RBM42: variants seen among roughly 807,000 people sequenced by gnomAD.
RBM42 encodes RNA binding motif protein 42.
In RBM42, 21 loss-of-function variants were observed where a neutral mutation model predicts 41.4. The observed-to-expected ratio is 0.51, with a 90% CI of 0.36 to 0.73. The LOEUF is 0.73. Among genes scored for constraint, RBM42 ranks in the 30% least tolerant of loss-of-function variants. The pLI is 0.00. For synonymous variants in RBM42, 272 were observed against 271.2 expected, an observed-to-expected ratio of 1.00 and a Z score of -0.03; for missense variants, 539 against 680.4, an observed-to-expected ratio of 0.79 and a Z score of 2.31.
rs1967463147 is a variant in RBM42, at chr19:35,634,543, T to TG, written c.1135+173dup. 2.0e-5 allele frequency among the ~76,000 whole-genome samples: 3 copies of TG among 152,040 alleles called. No homozygotes were observed. The South Asian group carries it at 6.2e-4, about 31-fold the overall frequency. On this transcript the variant is annotated intron_variant, in intron 8 of 9. Transcript: ENST00000262633. ...CAGGGGCTGGTTCTTCACCTAGCCA[T>TG]GGGCCGGAGCTTGGTGGAGGTGACG...
chr19:35,633,124 CGGCCCCCTCACCAGGCCCTCGTG>C lies in RBM42; in HGVS notation c.564_586del (p.His189SerfsTer67). The C allele has an allele frequency of 1.9e-6, 3 of 1,599,402 alleles. No homozygotes were observed. Among genetic ancestry groups the C allele is most frequent in the Non-Finnish European group, 2.6e-6 (3 of 1,166,758 alleles). On this transcript the variant is annotated frameshift_variant, in exon 6 of 10. Transcript: ENST00000262633. LOFTEE classifies it high-confidence loss of function. ...AGCCGGCCCCCGCCCTATGGCCCTA[CGGCCCCCTCACCAGGCCCTCGTG>C]GGCCCCCCTCTGCCTGGGCCCCCTG... is the stretch of plus-strand genomic sequence containing the variant.
chr19:35,629,081 G>T lies in RBM42; in HGVS notation c.-73G>T. On this transcript the variant is annotated 5_prime_UTR_variant, in exon 1 of 10. Transcript: ENST00000262633. ...TCGGGAGCCCACCCGGACGAAGGGGGAGAGTAGACAGCAGAACCAGCGGCG... is the reference window on the plus strand; with the variant it reads ...TCGGGAGCCCACCCGGACGAAGGGGTAGAGTAGACAGCAGAACCAGCGGCG... 6.8e-7 allele frequency: 1 copy of T among 1,462,326 alleles called. No individual in the cohort carries two copies. 90.6% of individuals were successfully genotyped at this position (1,462,326 alleles called of 1,614,324 possible).
chr19:35,632,726 C>T (rs897067863), intron 4 of RBM42, among the ~76,000 whole-genome samples: 1 of 152,122 alleles, frequency 6.6e-6, no homozygotes, highest in Non-Finnish European at 1.5e-5. Flanking sequence ...CATTGCCTGC[C>T]ACAGGGCTGA....
At chr19:35,636,153 G>T (rs988987578) in intron 8 of RBM42, among the ~76,000 whole-genome samples, 15 of 138,210 alleles carry the variant, frequency 1.1e-4, no homozygotes, top group African/African-American at 2.1e-4. Context: ...TTCTTCTTTT[G>T]TTTTTTTTTT....
chr19:35,632,937 T>G lies in RBM42; in HGVS notation c.444T>G (p.Ala148=). Residue 148 remains alanine (A), a splice_region_variant and synonymous_variant, in exon 5 of 10, where the codon GCT becomes GCG. Transcript: ENST00000262633. ...AREAMFLRRA[A]VAPQRAPILR... ...CACCCCCATCTCTCTCTCCCACAGC[T>G]GTGGCCCCCCAGAGGGCCCCTATCC... The G allele has an allele frequency of 6.6e-7, 1 of 1,514,944 alleles. No homozygotes were observed. Among genetic ancestry groups the G allele is most frequent in the Non-Finnish European group, 9.2e-7 (1 of 1,091,572 alleles). The allele number at this position is 1,514,944 out of a possible 1,614,324, so 93.8% of individuals were successfully genotyped here.
Position 35,637,582 on chromosome 19 carries a change from C to G in RBM42, c.*28C>G, listed in dbSNP as rs762339720. 4.4e-6 allele frequency: 7 copies of G among 1,582,152 alleles called. No individual in the cohort carries two copies. Among genetic ancestry groups the G allele is most frequent in the Non-Finnish European group, 1.7e-6 (2 of 1,154,052 alleles). ...TCTGTGGCCAGGCACCCGCTCCCAC[C>G]TGGCCGGGCGCTGGCTCCTCCCTCA... On this transcript the variant is annotated 3_prime_UTR_variant, in exon 10 of 10. Coordinates refer to ENST00000262633, the MANE Select transcript of RBM42 (RefSeq NM_024321.5). This position sits in a 1 kb window ranked among gnomAD's most constrained non-coding sequence, Gnocchi z 7.0.
intron 4 of RBM42, 21 bp downstream of exon 4, chr19:35,631,426 C>T: frequency 3.1e-6 from 5 of 1,610,858 alleles, no homozygotes; most frequent in Non-Finnish European, 4.2e-6. Flanking sequence ...GGCCAGGGAC[C>T]CCCACATTTA....
At chr19:35,635,470 C>T (rs992498044) in intron 8 of RBM42, among the ~76,000 whole-genome samples, 1 of 151,670 alleles carries the variant, frequency 6.6e-6, no homozygotes, top group South Asian at 2.1e-4. Flanking sequence ...TGTTTTTGCC[C>T]TGAACCAGCA....
chr19:35,635,187 G>C (rs1194642424), intron 8 of RBM42, among the ~76,000 whole-genome samples: 1 of 151,262 alleles, frequency 6.6e-6, no homozygotes, highest in African/African-American at 2.4e-5. Context: ...TTGGTGGGAG[G>C]CACCTATAAT....
intron 4 of RBM42, among the ~76,000 whole-genome samples, chr19:35,632,165 A>G (rs1967418473): frequency 6.6e-6 from 1 of 152,288 alleles, no homozygotes; most frequent in East Asian, 1.9e-4. Flanking sequence ...TATTAATCTG[A>G]TGATCTCTGA....
Position 35,633,249 on chromosome 19 carries a change from T to A in RBM42, c.681T>A (p.Pro227=). The change falls in exon 6 of 10, where the codon CCT becomes CCA. Residue 227 remains proline, a synonymous_variant. Transcript: ENST00000262633. ...GCTCCATGGCTGCACTGAGGCCCCCTCTGGTGAGTGTGAACAGGGAACTAA... is the reference window on the plus strand; with the variant it reads ...GCTCCATGGCTGCACTGAGGCCCCCACTGGTGAGTGTGAACAGGGAACTAA... ...PLGSMAALRP[P]LEEPAAPREL... The A allele has an allele frequency of 6.3e-7, 1 of 1,576,346 alleles. No homozygotes were observed. The highest frequency in any genetic ancestry group is 1.2e-5 in the South Asian group (1 of 85,160).
chr19:35,632,294 A>G (rs903603507), intron 4 of RBM42, among the ~76,000 whole-genome samples: 22 of 152,096 alleles, frequency 1.4e-4, no homozygotes, highest in Non-Finnish European at 7.4e-5. Context: ...GAGGACACCC[A>G]TGGCTCAGCC....
Position 35,637,094 on chromosome 19 carries a change from C to G in RBM42, c.1136-64C>G. 6.8e-7 allele frequency: 1 copy of G among 1,469,150 alleles called. No homozygotes were observed. Among genetic ancestry groups the G allele is most frequent in the Non-Finnish European group, 9.3e-7 (1 of 1,080,056 alleles). 91.0% of individuals were successfully genotyped at this position (1,469,150 alleles called of 1,614,324 possible). On this transcript the variant is annotated intron_variant, in intron 8 of 9. Transcript: ENST00000262633. The surrounding 1 kb of genome is among the most constrained non-coding windows in gnomAD (Gnocchi z 7.0). Reference sequence around the variant, plus strand: ...ATACCTCCGAAAAGGTGGGATCGTTCAGACAAGGTAGACACTGGGCAAGGC... The same window carrying G: ...ATACCTCCGAAAAGGTGGGATCGTTGAGACAAGGTAGACACTGGGCAAGGC...
chr19:35,629,452 C>T (rs1305077945), intron 1 of RBM42, 68 bp from the exon 2 acceptor site: 74 of 1,587,754 alleles, frequency 4.7e-5, no homozygotes, highest in Non-Finnish European at 6.1e-5. Context: ...AGGGTCCCCT[C>T]GCGATATACC....
rs1238099101 is a variant in RBM42, at chr19:35,634,311, G to A, written c.1073G>A (p.Arg358Gln). 2.5e-6 allele frequency: 4 copies of A among 1,614,194 alleles called. No individual in the cohort carries two copies. The highest frequency in any genetic ancestry group is 1.6e-4 in the Middle Eastern group (1 of 6,062). Residue 358 changes from arginine (R) to glutamine (Q), a missense_variant, in exon 8 of 10, where the codon CGG (arginine) becomes CAG (glutamine). By Grantham distance (43) the Arg-to-Gln change is conservative. Around this residue, in one of 2 missense-constraint regions of RBM42, gnomAD observed 110 missense variants for 191.5 expected, o/e 0.57. Coordinates refer to ENST00000262633, the MANE Select transcript of RBM42 (RefSeq NM_024321.5). The stretch of plus-strand genomic sequence containing the variant: ...AAGGGGAAGCCAGAGAAATTGAAAC[G>A]GTGCATTCGCACAGCGGCAGGGAGC... ...KKKGKPEKLKRCIRTAAGSSW... is the reference protein window; with the variant it reads ...KKKGKPEKLKQCIRTAAGSSW...
rs775309013 is a variant in RBM42 at position 35,637,323 on chromosome 19, A to G, written c.1301A>G (p.Asp434Gly). 6.2e-7 allele frequency: 1 copy of G among 1,614,232 alleles called. No individual in the cohort carries two copies. Among genetic ancestry groups the G allele is most frequent in the South Asian group, 1.1e-5 (1 of 91,090 alleles). The change falls in exon 9 of 10, where the codon GAC becomes GGC. Residue 434 changes from aspartate to glycine, a missense_variant. Physicochemically the swap from Asp to Gly is moderately conservative, Grantham distance 94 (BLOSUM62 -1). Coordinates refer to ENST00000262633, the MANE Select transcript of RBM42 (RefSeq NM_024321.5). The surrounding 1 kb of genome is among the most constrained non-coding windows in gnomAD (Gnocchi z 7.0). Reference sequence around the variant, plus strand: ...TTCGTCAGCTTCAAGGACCCCAGCGACTACGTGCGCGCCATGCGTGAGATG... The same window carrying G: ...TTCGTCAGCTTCAAGGACCCCAGCGGCTACGTGCGCGCCATGCGTGAGATG... ...YGFVSFKDPS[D>G]YVRAMREMNG... is the part of the protein sequence containing the mutation.
chr19:35,629,684 G>T lies in RBM42; in HGVS notation c.282+11G>T. ...AACACATACCAGCAGGTACGGCTGA[G>T]CTAAGGCATGTAAGTCAGGGAACAC... On this transcript the variant is annotated intron_variant, in intron 2 of 9. Coordinates refer to ENST00000262633, the MANE Select transcript of RBM42 (RefSeq NM_024321.5). The T allele has an allele frequency of 1.9e-6, 3 of 1,613,858 alleles. No homozygotes were observed. Among genetic ancestry groups the T allele is most frequent in the Non-Finnish European group, 2.5e-6 (3 of 1,179,814 alleles).
Position 35,631,140 on chromosome 19 carries a change from G to A in RBM42, c.283G>A (p.Val95Ile). ...PIIATNTYQQ[V>I]QQTLEARAAA... ...CTCACCCTGACCTCTTCCTCGACAG[G>A]TCCAGCAGACTCTGGAGGCCCGAGC... is the stretch of plus-strand genomic sequence containing the variant. Residue 95 changes from valine (V) to isoleucine (I), a missense_variant and splice_region_variant, in exon 3 of 10, where the codon GTC becomes ATC. Physicochemically the swap from Val to Ile is conservative, Grantham distance 29 (BLOSUM62 3). Transcript: ENST00000262633. 6.2e-7 allele frequency: 1 copy of A among 1,613,878 alleles called. No homozygotes were observed. Among genetic ancestry groups the A allele is most frequent in the Non-Finnish European group, 8.5e-7 (1 of 1,179,904 alleles).
Position 35,632,996 on chromosome 19 carries a change from G to C in RBM42, c.503G>C (p.Arg168Thr), listed in dbSNP as rs776338518. The change falls in exon 5 of 10, where the codon AGA (arginine) becomes ACA (threonine). Residue 168 changes from arginine to threonine, a missense_variant. This residue lies in a region of RBM42 where 429 missense variants were observed against 488.9 expected (regional missense o/e 0.88). Coordinates refer to ENST00000262633, the MANE Select transcript of RBM42 (RefSeq NM_024321.5). ...GCCTTCGTCCCCCACGTGCTACAGA[G>C]AGCAGGTGAGGGGCCAGGGTCATCA... is the stretch of plus-strand genomic sequence containing the variant. Reference protein sequence around the residue: ...RPAFVPHVLQRADSALSSAAA... With the variant: ...RPAFVPHVLQTADSALSSAAA... 1 of 1,609,830 alleles carries C rather than the reference G, an allele frequency of 6.2e-7. No homozygotes were observed. The highest frequency in any genetic ancestry group is 1.7e-5 in the Admixed American group (1 of 59,986).
Sources: allele counts gnomAD v4.1 joint callset (sites outside exome capture counted in the v4.1 genomes callset), GRCh38; gene constraint gnomAD v4.1.1; regional missense constraint gnomAD v4.1.1; non-coding constraint Gnocchi (gnomAD v3.1); transcripts MANE v1.5; gene names NCBI Gene and HGNC (gene_info 2026-07-23, HGNC 2026-07-21).